SHISA9: variants seen among roughly 807,000 people sequenced by gnomAD.
The protein encoded by SHISA9 is shisa family member 9.
In SHISA9, 13 loss-of-function variants were observed where a neutral mutation model predicts 38.0. The observed-to-expected ratio is 0.34, with a 90% CI of 0.22 to 0.54. The LOEUF is 0.54. Among genes scored for constraint, SHISA9 ranks in the 20% least tolerant of loss-of-function variants. The pLI, the probability that SHISA9 is intolerant of heterozygous loss-of-function variation, is 0.91. For missense variants in SHISA9, 538 were observed against 575.8 expected, an observed-to-expected ratio of 0.93 and a Z score of 0.67; for synonymous variants, 275 against 242.0, an observed-to-expected ratio of 1.14 and a Z score of -1.27.
chr16:13,338,832 G>T, the SHISA9 span, among the ~76,000 whole-genome samples: 1 of 152,160 alleles, frequency 6.6e-6, no homozygotes, highest in Non-Finnish European at 1.5e-5. Context: ...TCACGATAAT[G>T]GAAGAACAAA....
At chr16:13,183,601 A>G (rs1481125488) in intron 2 of SHISA9, among the ~76,000 whole-genome samples, 1 of 152,272 alleles carries the variant, frequency 6.6e-6, no homozygotes, top group Non-Finnish European at 1.5e-5. Flanking sequence ...TGCTCTGGAT[A>G]CATAATTAAG....
the SHISA9 span, among the ~76,000 whole-genome samples, chr16:13,425,720 T>G: frequency 6.6e-6 from 1 of 152,350 alleles, no homozygotes; most frequent in South Asian, 2.1e-4. Context: ...CTCATTCACA[T>G]GAACATAAAA....
At position 13,012,934 on chromosome 16, in the gene SHISA9, G is replaced by T. The variant is rs144614170; in HGVS notation, c.691+96119G>T. Reference sequence around the variant, plus strand: ...TGCTTGCCATCTCCATGGTACCCAGGCAGGGGGACAATCTAATTAGGCTAT... The same window carrying T: ...TGCTTGCCATCTCCATGGTACCCAGTCAGGGGGACAATCTAATTAGGCTAT... On this transcript the variant is annotated intron_variant, in intron 2 of 4. Coordinates refer to ENST00000558583, the MANE Select transcript of SHISA9 (RefSeq NM_001145204.3). 1.5e-3 allele frequency among the ~76,000 whole-genome samples: 224 copies of T among 152,240 alleles called. 1 individual carries two copies. Among genetic ancestry groups the T allele is most frequent in the Non-Finnish European group, 2.7e-3 (182 of 68,004 alleles).
the SHISA9 span, among the ~76,000 whole-genome samples, chr16:13,462,834 C>T: frequency 5.4e-4 from 82 of 151,968 alleles, 1 homozygote; most frequent in African/African-American, 1.6e-3. Context: ...TGGTGGCGGG[C>T]GCCAGTAATC....
At chr16:13,479,731 A>G in the SHISA9 span, among the ~76,000 whole-genome samples, 2 of 152,240 alleles carry the variant, frequency 1.3e-5, no homozygotes, top group Non-Finnish European at 2.9e-5. Context: ...AGACATGACC[A>G]GAAATGACGT....
chr16:13,216,173 C>T (rs1391313472), intron 4 of SHISA9, among the ~76,000 whole-genome samples: 3 of 119,212 alleles, frequency 2.5e-5, no homozygotes, highest in African/African-American at 3.5e-5. Context: ...GGCGGCAGAG[C>T]GAGACTCTGT....
chr16:13,380,529 C>G, the SHISA9 span, among the ~76,000 whole-genome samples: 1 of 152,140 alleles, frequency 6.6e-6, no homozygotes, highest in Non-Finnish European at 1.5e-5. Context: ...CTCATTCAAA[C>G]TATCGATCAA....
At chr16:13,097,636 T>G (rs1310262608) in intron 2 of SHISA9, among the ~76,000 whole-genome samples, 2 of 152,156 alleles carry the variant, frequency 1.3e-5, no homozygotes, top group Non-Finnish European at 2.9e-5. Flanking sequence ...ACTCCTGGCT[T>G]CAAGTGATTC....
intron 1 of SHISA9, among the ~76,000 whole-genome samples, chr16:12,906,194 G>C (rs930833720): frequency 6.6e-6 from 1 of 152,234 alleles, no homozygotes; most frequent in African/African-American, 2.4e-5. Context: ...GCCAGTCACA[G>C]CCTCTTAATT....
At chr16:12,923,415 C>T (rs1057019159) in intron 2 of SHISA9, among the ~76,000 whole-genome samples, 1 of 152,050 alleles carries the variant, frequency 6.6e-6, no homozygotes, top group African/African-American at 2.4e-5. Context: ...GTAATCCCAG[C>T]TACTTGAGAG....
At chr16:12,925,763 A>G (rs532626565) in intron 2 of SHISA9, among the ~76,000 whole-genome samples, 1 of 152,378 alleles carries the variant, frequency 6.6e-6, no homozygotes, top group Admixed American at 6.5e-5. Context: ...TTCTATTGGA[A>G]TATCTGGATT....
At chr16:13,060,707 C>A (rs989817496) in intron 2 of SHISA9, among the ~76,000 whole-genome samples, 21 of 150,022 alleles carry the variant, frequency 1.4e-4, no homozygotes, top group African/African-American at 5.2e-4. Context: ...GATGTGGGTT[C>A]AAACACAGAG....
chr16:13,236,808 T>A lies in SHISA9; in HGVS notation c.*1399T>A, dbSNP rs1020989566. The A allele has an allele frequency of 6.6e-6, 1 of 152,236 alleles. No individual in the cohort carries two copies. The highest frequency in any genetic ancestry group is 1.5e-5 in the Non-Finnish European group (1 of 68,064). 9.4% of individuals were successfully genotyped at this position (152,236 alleles called of 1,614,324 possible). ...CCATTTTCTAGCCCTCTCAAACCTGTCAGATGTTTCTTGGTCCCGTAATTC... is the reference window on the plus strand; with the variant it reads ...CCATTTTCTAGCCCTCTCAAACCTGACAGATGTTTCTTGGTCCCGTAATTC... On this transcript the variant is annotated 3_prime_UTR_variant, in exon 5 of 5. Coordinates refer to ENST00000558583, the MANE Select transcript of SHISA9 (RefSeq NM_001145204.3).
At chr16:13,208,719 A>C (rs2051091139) in intron 3 of SHISA9, among the ~76,000 whole-genome samples, 1 of 152,270 alleles carries the variant, frequency 6.6e-6, no homozygotes, top group Non-Finnish European at 1.5e-5. Flanking sequence ...AGGGATGATG[A>C]CTTTGAATTA....
chr16:13,547,057 T>G, the SHISA9 span, among the ~76,000 whole-genome samples: 3 of 152,256 alleles, frequency 2.0e-5, no homozygotes, highest in Non-Finnish European at 4.4e-5. Context: ...CCTTGAATAC[T>G]TCGGAGATAT....
the SHISA9 span, among the ~76,000 whole-genome samples, chr16:13,501,575 CA>C: frequency 2.0e-5 from 3 of 152,144 alleles, no homozygotes; most frequent in Admixed American, 2.0e-4. Flanking sequence ...ATACTTTTAA[CA>C]TTTTTGTTTG....
At chr16:13,100,180 A>G (rs2141956395) in intron 2 of SHISA9, among the ~76,000 whole-genome samples, 1 of 152,378 alleles carries the variant, frequency 6.6e-6, no homozygotes, top group East Asian at 1.9e-4. Context: ...ATTGTGCTGC[A>G]TTGATCTATG....
chr16:13,403,773 A>G, the SHISA9 span, among the ~76,000 whole-genome samples: 2 of 152,166 alleles, frequency 1.3e-5, no homozygotes, highest in African/African-American at 4.8e-5. Context: ...TCTTGAAAAG[A>G]TGGATGGAGA....
the SHISA9 span, among the ~76,000 whole-genome samples, chr16:13,361,258 C>T: frequency 2.2e-4 from 33 of 152,288 alleles, no homozygotes; most frequent in African/African-American, 5.3e-4. Flanking sequence ...CTAGAGCTAA[C>T]GCTTTTATTT....
Sources: allele counts gnomAD v4.1 joint callset (sites outside exome capture counted in the v4.1 genomes callset), GRCh38; gene constraint gnomAD v4.1.1; transcripts MANE v1.5; gene names NCBI Gene and HGNC (gene_info 2026-07-23, HGNC 2026-07-21).